ELP4: variants seen among roughly 807,000 people sequenced by gnomAD.
The protein encoded by ELP4 is elongator complex protein 4.
A neutral mutation model predicts 48.9 loss-of-function variants in ELP4; 51 were observed. The ratio of observed to expected loss-of-function variants is 1.04; its 90% CI spans 0.83 to 1.32. The LOEUF (loss-of-function observed/expected upper bound fraction) is 1.32. Ranked by LOEUF, ELP4 falls within the 40% of genes most tolerant of loss-of-function variation. The pLI, the probability that ELP4 is intolerant of heterozygous loss-of-function variation, is 0.00. For synonymous variants in ELP4, 210 were observed against 189.2 expected, an observed-to-expected ratio of 1.11 and a Z score of -0.90; for missense variants, 519 against 514.6, an observed-to-expected ratio of 1.01 and a Z score of -0.08.
At chr11:31,778,989 G>A (rs929081775) in intron 9 of ELP4, among the ~76,000 whole-genome samples, 2 of 152,066 alleles carry the variant, frequency 1.3e-5, no homozygotes, top group Non-Finnish European at 2.9e-5. Context: ...GGGATTACAG[G>A]TGTGAGCTAC....
At chr11:31,644,032 A>G (rs1049545105) in intron 7 of ELP4, among the ~76,000 whole-genome samples, 1 of 151,814 alleles carries the variant, frequency 6.6e-6, no homozygotes. Flanking sequence ...ACTCCTGGAC[A>G]CTGGCTTTCC....
intron 5 of ELP4, among the ~76,000 whole-genome samples, chr11:31,612,736 G>C (rs1206102539): frequency 6.6e-6 from 1 of 152,158 alleles, no homozygotes; most frequent in African/African-American, 2.4e-5. Flanking sequence ...TAAGATGTTT[G>C]AATTAGGACT....
chr11:31,697,903 T>TA lies in ELP4; in HGVS notation c.1143+47691dup, dbSNP rs944415526. Among the ~76,000 whole-genome samples the TA allele has an allele frequency of 1.1e-3, 171 of 151,344 alleles. 1 individual carries two copies. Among genetic ancestry groups the TA allele is most frequent in the African/African-American group, 2.8e-3 (115 of 41,272 alleles). ...TTCAGAAAGTTGAGAAAGAAAAAGT[T>TA]AAAAAAAAACCCATTGAACTTTAGT... On this transcript the variant is annotated intron_variant, in intron 9 of 9. Transcript: ENST00000640961.
At chr11:31,680,833 A>G (rs1946037302) in intron 9 of ELP4, among the ~76,000 whole-genome samples, 1 of 152,198 alleles carries the variant, frequency 6.6e-6, no homozygotes, top group Admixed American at 6.5e-5. Flanking sequence ...GACTCATTTT[A>G]TTTAATGCAA....
At chr11:31,728,176 G>A (rs947069085) in intron 9 of ELP4, among the ~76,000 whole-genome samples, 3 of 152,132 alleles carry the variant, frequency 2.0e-5, no homozygotes, top group South Asian at 2.1e-4. Flanking sequence ...TGAAGAATAC[G>A]TAATCTATTG....
intron 2 of ELP4, among the ~76,000 whole-genome samples, chr11:31,530,568 A>T (rs1316196953): frequency 2.6e-5 from 4 of 152,078 alleles, no homozygotes; most frequent in African/African-American, 9.7e-5. Context: ...GTTGGAGAGC[A>T]GTCTTGGTGG....
rs747060035 is a variant in ELP4, at chr11:31,783,527, A to C, written c.*3A>C. 3 of 1,613,264 alleles carry C rather than the reference A, an allele frequency of 1.9e-6. No individual in the cohort carries two copies. The highest frequency in any genetic ancestry group is 1.7e-5 in the Admixed American group (1 of 59,874). On this transcript the variant is annotated 3_prime_UTR_variant, in exon 10 of 10. Transcript: ENST00000640961. ...GCAAGAAGCACCTGGACTTCTAGGG[A>C]TTCCTCCTTAGTCGCTGCATGCAGA...
chr11:31,614,530 G>A (rs972094676), intron 5 of ELP4, among the ~76,000 whole-genome samples: 1 of 152,086 alleles, frequency 6.6e-6, no homozygotes, highest in African/African-American at 2.4e-5. Context: ...GTTTTTTGAG[G>A]TATAAGATAA....
chr11:31,716,158 G>T (rs1207838904), intron 9 of ELP4, among the ~76,000 whole-genome samples: 3 of 152,028 alleles, frequency 2.0e-5, no homozygotes, highest in African/African-American at 4.8e-5. Flanking sequence ...AGGACTACGG[G>T]CACACACCAC....
At chr11:31,592,307 G>A (rs1957594055) in intron 3 of ELP4, among the ~76,000 whole-genome samples, 1 of 152,156 alleles carries the variant, frequency 6.6e-6, no homozygotes, top group South Asian at 2.1e-4. Context: ...ACTTTGGGAG[G>A]CCGAGGCAGG....
intron 9 of ELP4, among the ~76,000 whole-genome samples, chr11:31,698,124 T>TA (rs1946448825): frequency 6.6e-6 from 1 of 152,128 alleles, no homozygotes; most frequent in African/African-American, 2.4e-5. Context: ...TTCCCAGCTG[T>TA]AGCGGGGGTG....
chr11:31,689,863 G>A (rs1038232319), intron 9 of ELP4, among the ~76,000 whole-genome samples: 5 of 152,088 alleles, frequency 3.3e-5, no homozygotes, highest in Non-Finnish European at 5.9e-5. Context: ...GGTGGTGGTG[G>A]TGGTGGTTTT....
chr11:31,710,579 C>T (rs555540733), intron 9 of ELP4, among the ~76,000 whole-genome samples: 5 of 150,276 alleles, frequency 3.3e-5, no homozygotes, highest in Admixed American at 6.6e-5. Context: ...GAGTCCAGAT[C>T]GTGCCACTGC....
In ELP4 at chr11:31,703,948, A is replaced by G. The variant is rs1209997522; in HGVS notation, c.1143+53727A>G. Reference sequence around the variant, plus strand: ...CAAAAAATTAAAATTCAAAAATGTTATATGCACTCACATATTCAGCACTCT... The same window carrying G: ...CAAAAAATTAAAATTCAAAAATGTTGTATGCACTCACATATTCAGCACTCT... On this transcript the variant is annotated intron_variant, in intron 9 of 9. Transcript: ENST00000640961. Among the ~76,000 whole-genome samples the G allele has an allele frequency of 9.8e-5, 15 of 152,332 alleles. No individual in the cohort carries two copies. In the East Asian group the frequency reaches 2.7e-3, roughly 27 times the overall value.
chr11:31,569,375 C>T (rs1328872565), intron 3 of ELP4, among the ~76,000 whole-genome samples: 4 of 152,114 alleles, frequency 2.6e-5, no homozygotes, highest in African/African-American at 9.7e-5. Flanking sequence ...TACCCAGATC[C>T]TATAAGAAAC....
chr11:31,681,741 CT>C (rs367852606), intron 9 of ELP4: 880 of 141,916 alleles, frequency 6.2e-3, no homozygotes, highest in South Asian at 0.02. Flanking sequence ...TATTTCTTTC[CT>C]TTTTTTTTTT....
intron 9 of ELP4, among the ~76,000 whole-genome samples, chr11:31,741,911 G>A (rs771904691): frequency 4.6e-5 from 7 of 152,212 alleles, no homozygotes; most frequent in Admixed American, 6.5e-5. Flanking sequence ...ACTCTGACGA[G>A]TTGAGAGAAG....
chr11:31,693,420 TG>T (rs1270160421), intron 9 of ELP4, among the ~76,000 whole-genome samples: 1 of 152,168 alleles, frequency 6.6e-6, no homozygotes, highest in African/African-American at 2.4e-5. Flanking sequence ...TTTGGTTTTT[TG>T]TCCTTGCAAT....
chr11:31,744,870 G>A (rs890537632), intron 9 of ELP4, among the ~76,000 whole-genome samples: 4 of 152,122 alleles, frequency 2.6e-5, no homozygotes, highest in African/African-American at 9.7e-5. Flanking sequence ...ATTCAACATA[G>A]TGTTGGAAGT....
Sources: gnomAD v4.1 joint callset for allele counts (sites outside exome capture counted in the v4.1 genomes callset) on GRCh38, gnomAD v4.1.1 for gene constraint, MANE v1.5 for transcripts, NCBI Gene and HGNC (gene_info 2026-07-23, HGNC 2026-07-21) for gene names.